The following CDH5 variants were observed in gnomAD, a reference collection of about 807,000 sequenced individuals.
CDH5 encodes the protein cadherin 5.
In CDH5, 28 loss-of-function variants were observed where a neutral mutation model predicts 62.0. That is an observed-to-expected ratio of 0.45 (90% CI 0.33 to 0.62). CDH5 has a LOEUF of 0.62. Among genes scored for constraint, CDH5 ranks in the 20% least tolerant of loss-of-function variants. CDH5 has a pLI of 0.02. For synonymous variants in CDH5, 464 were observed against 445.8 expected, an observed-to-expected ratio of 1.04 and a Z score of -0.52; for missense variants, 940 against 1,065.1, an observed-to-expected ratio of 0.88 and a Z score of 1.63.
Position 66,379,308 on chromosome 16 carries a change from T to C in CDH5, c.-19-11T>C, listed in dbSNP as rs375644214. On this transcript the variant is annotated splice_polypyrimidine_tract_variant and intron_variant, in intron 1 of 11. Transcript: ENST00000341529. ...CTGGCCAGAGTCTGAATGTGTCTCC[T>C]CTTTCCCCAGATCTGTTCCTCCTGG... 17 of 1,577,320 alleles carry C rather than the reference T, an allele frequency of 1.1e-5. No homozygotes were observed. The African/African-American group carries it at 2.0e-4, about 19-fold the overall frequency.
At chr16:66,395,059 T>TTTTTG in intron 7 of CDH5, among the ~76,000 whole-genome samples, 1 of 113,994 alleles carries the variant, frequency 8.8e-6, no homozygotes, top group Non-Finnish European at 1.7e-5. Context: ...TTTTTTTTTT[T>TTTTTG]TTTTGGTGAG....
rs1567470765 is a variant in CDH5, at chr16:66,404,100, GCT to G, written c.*936_*937del. ...CTGCCTCACCTGGTCGCCAATCCAT[GCT>G]CTCTTTCTTTTCTCTGTCTACTCCT... On this transcript the variant is annotated 3_prime_UTR_variant, in exon 12 of 12. Transcript: ENST00000341529. 6.6e-6 allele frequency: 1 copy of G among 152,518 alleles called. No homozygotes were observed. The highest frequency in any genetic ancestry group is 6.5e-5 in the Admixed American group (1 of 15,286). 9.4% of individuals were successfully genotyped at this position (152,518 alleles called of 1,614,324 possible).
intron 1 of CDH5, among the ~76,000 whole-genome samples, chr16:66,378,662 C>T (rs1960826259): frequency 6.6e-6 from 1 of 152,310 alleles, no homozygotes; most frequent in East Asian, 1.9e-4. Context: ...TGGCATCAGC[C>T]TCACACCCTC....
rs769114653 is a variant in CDH5 at position 66,379,544 on chromosome 16, C to A, written c.207C>A (p.Gly69=). ...ACACCTCACTTCCCCATCATGTAGGCAAGGTAAGGCTCAAGCCCCAGGACA... is the reference window on the plus strand; with the variant it reads ...ACACCTCACTTCCCCATCATGTAGGAAAGGTAAGGCTCAAGCCCCAGGACA... ...EKNTSLPHHV[G]KIKSSVSRKN... The change falls in exon 2 of 12, where the codon GGC becomes GGA. Residue 69 remains glycine, a synonymous_variant. Coordinates refer to ENST00000341529, the MANE Select transcript of CDH5 (RefSeq NM_001795.5). 1 of 1,613,936 alleles carries A rather than the reference C, an allele frequency of 6.2e-7. No individual in the cohort carries two copies. Among genetic ancestry groups the A allele is most frequent in the Admixed American group, 1.7e-5 (1 of 60,022 alleles).
At position 66,392,558 on chromosome 16, in the gene CDH5, T is replaced by C. The variant is rs930964419; in HGVS notation, c.1217+175T>C. Reference sequence around the variant, plus strand: ...CTCTTGCACTTGGCAGCCTGGCATCTTGACCTGCCTGGACTCCCCCACCTA... The same window carrying C: ...CTCTTGCACTTGGCAGCCTGGCATCCTGACCTGCCTGGACTCCCCCACCTA... On this transcript the variant is annotated intron_variant, in intron 7 of 11. Coordinates refer to ENST00000341529, the MANE Select transcript of CDH5 (RefSeq NM_001795.5). 1.2e-5 allele frequency: 10 copies of C among 805,838 alleles called. No individual in the cohort carries two copies. The African/African-American group carries it at 1.7e-4, about 14-fold the overall frequency. 49.9% of individuals were successfully genotyped at this position (805,838 alleles called of 1,614,324 possible). A position where few individuals can be genotyped will look rare whatever the true frequency, so the allele number is the denominator to read the frequency against.
At chr16:66,386,276 T>C (rs1960981497) in intron 2 of CDH5, among the ~76,000 whole-genome samples, 2 of 152,134 alleles carry the variant, frequency 1.3e-5, no homozygotes, top group Admixed American at 1.3e-4. Flanking sequence ...CTTTTTTTTT[T>C]TTGGCTTTTT....
chr16:66,394,866 G>C (rs1452477262), intron 7 of CDH5, among the ~76,000 whole-genome samples: 1 of 148,494 alleles, frequency 6.7e-6, no homozygotes, highest in African/African-American at 2.5e-5. Flanking sequence ...TTGGGGGGTG[G>C]GGGGGACAGG....
intron 10 of CDH5, among the ~76,000 whole-genome samples, chr16:66,400,241 C>A (rs1961256934): frequency 6.6e-6 from 1 of 152,196 alleles, no homozygotes; most frequent in Admixed American, 6.5e-5. Flanking sequence ...GGGAAACCCG[C>A]AATTCTATAT....
chr16:66,373,870 G>C (rs1960736642), intron 1 of CDH5, among the ~76,000 whole-genome samples: 1 of 152,162 alleles, frequency 6.6e-6, no homozygotes, highest in Non-Finnish European at 1.5e-5. Context: ...TGTGAAATGG[G>C]AATGATAAGT....
In CDH5 at chr16:66,401,062, G is replaced by A. The variant is rs1400581014; in HGVS notation, c.1837+46G>A. Reference sequence around the variant, plus strand: ...GGAGAAGACACAGTGGGTGGAAGGGGATGGAAGGTGTTGGGAGGCGGGGAG... The same window carrying A: ...GGAGAAGACACAGTGGGTGGAAGGGAATGGAAGGTGTTGGGAGGCGGGGAG... On this transcript the variant is annotated intron_variant, in intron 11 of 11. Transcript: ENST00000341529. 5 of 1,612,106 alleles carry A rather than the reference G, an allele frequency of 3.1e-6. No homozygotes were observed. The South Asian group carries it at 3.3e-5, about 11-fold the overall frequency.
At chr16:66,370,294 C>T (rs114373039) in intron 1 of CDH5, among the ~76,000 whole-genome samples, 2,590 of 152,196 alleles carry the variant, frequency 0.017, 74 homozygotes, top group African/African-American at 0.058. Flanking sequence ...AGCCACCACA[C>T]CTGGCCAGGG....
intron 7 of CDH5, among the ~76,000 whole-genome samples, chr16:66,393,271 T>A (rs571263699): frequency 6.6e-6 from 1 of 152,344 alleles, no homozygotes; most frequent in Admixed American, 6.5e-5. Flanking sequence ...GTCCTATCCA[T>A]CATTCTATAG....
chr16:66,379,638 T>C lies in CDH5; in HGVS notation c.210+91T>C. The C allele has an allele frequency of 4.6e-6, 5 of 1,097,968 alleles. No individual in the cohort carries two copies. In the South Asian group the frequency reaches 6.7e-5, roughly 15 times the overall value. 68.0% of individuals were successfully genotyped at this position (1,097,968 alleles called of 1,614,324 possible). ...GTGATGGCGATGGTGGCAAAGGTGG[T>C]AATAGATATTGTGGTGGTTGTAGGA... On this transcript the variant is annotated intron_variant, in intron 2 of 11. Coordinates refer to ENST00000341529, the MANE Select transcript of CDH5 (RefSeq NM_001795.5).
intron 7 of CDH5, 139 bp from the exon 8 acceptor site, chr16:66,395,920 G>T: frequency 3.9e-6 from 3 of 762,760 alleles, no homozygotes; most frequent in South Asian, 4.0e-5. Context: ...TGTCTGAGTG[G>T]CAGAGTGCAA....
chr16:66,382,414 G>A (rs1033118077), intron 2 of CDH5, among the ~76,000 whole-genome samples: 5 of 152,040 alleles, frequency 3.3e-5, no homozygotes, highest in Non-Finnish European at 4.4e-5. Flanking sequence ...GGAGAATGCC[G>A]CCCTAGGAAA....
At chr16:66,387,766 T>A (rs1301963321) in intron 3 of CDH5, among the ~76,000 whole-genome samples, 1 of 151,326 alleles carries the variant, frequency 6.6e-6, no homozygotes, top group African/African-American at 2.4e-5. Flanking sequence ...CATGCAGGAG[T>A]GGTGTGGGGG....
At chr16:66,394,667 T>C (rs1961143457) in intron 7 of CDH5, among the ~76,000 whole-genome samples, 1 of 152,190 alleles carries the variant, frequency 6.6e-6, no homozygotes, top group Admixed American at 6.5e-5. Flanking sequence ...CTTGGACCTA[T>C]ATTTTCTAGT....
At chr16:66,376,996 C>G (rs1960798835) in intron 1 of CDH5, among the ~76,000 whole-genome samples, 1 of 152,220 alleles carries the variant, frequency 6.6e-6, no homozygotes. Flanking sequence ...AACTCTCCCT[C>G]TCCCTGTTTC....
At position 66,369,706 on chromosome 16, in the gene CDH5, G is replaced by A. The variant is rs543206146; in HGVS notation, c.-20+2948G>A. The stretch of plus-strand genomic sequence containing the variant: ...GGCAAGGGGATAGACTAGATGACCC[G>A]GAGCCCAGAGATTCCAGCACAAATT... On this transcript the variant is annotated intron_variant, in intron 1 of 11. Coordinates refer to ENST00000341529, the MANE Select transcript of CDH5 (RefSeq NM_001795.5). Among the ~76,000 whole-genome samples, 278 of 152,258 alleles carry A rather than the reference G, an allele frequency of 1.8e-3. 2 individuals are homozygous for A. The highest frequency in any genetic ancestry group is 6.3e-3 in the African/African-American group (262 of 41,554).
Sources: gnomAD v4.1 joint callset for allele counts (sites outside exome capture counted in the v4.1 genomes callset) on GRCh38, gnomAD v4.1.1 for gene constraint, MANE v1.5 for transcripts, NCBI Gene and HGNC (gene_info 2026-07-23, HGNC 2026-07-21) for gene names.